TMEM230: variants seen among roughly 807,000 people sequenced by gnomAD.
TMEM230 encodes UPF0414 transmembrane protein C20orf30.
In TMEM230, 10 loss-of-function variants were observed where a neutral mutation model predicts 15.8. That is an observed-to-expected ratio of 0.63 (90% CI 0.39 to 1.07). TMEM230 has a LOEUF of 1.07. Ranked by LOEUF, TMEM230 falls within the 50% of genes least tolerant of loss-of-function variation. The pLI, the probability that TMEM230 is intolerant of heterozygous loss-of-function variation, is 0.01. For missense variants in TMEM230, 165 were observed against 193.3 expected, an observed-to-expected ratio of 0.85 and a Z score of 0.87; for synonymous variants, 67 against 76.9, an observed-to-expected ratio of 0.87 and a Z score of 0.68.
intron 3 of TMEM230, among the ~76,000 whole-genome samples, chr20:5,079,123 CCT>C (rs1325709801): frequency 6.6e-6 from 1 of 151,954 alleles, no homozygotes; most frequent in African/African-American, 2.4e-5. Context: ...GCAGAATCAC[CCT>C]GTTTTAATTT....
intron 3 of TMEM230, among the ~76,000 whole-genome samples, chr20:5,107,214 A>C (rs1275831805): frequency 6.6e-6 from 1 of 152,138 alleles, no homozygotes; most frequent in Non-Finnish European, 1.5e-5. Context: ...AGCTGGGAGG[A>C]TGGCTTGAGC....
downstream of TMEM230, among the ~76,000 whole-genome samples, chr20:5,065,095 T>C (rs576686038): frequency 7.0e-4 from 107 of 151,822 alleles, 3 homozygotes; most frequent in South Asian, 0.022. Context: ...ATGAAAAATA[T>C]AGGAAGGCAG....
downstream of TMEM230, among the ~76,000 whole-genome samples, chr20:5,099,240 C>A (rs4053249): frequency 0.088 from 1,746 of 19,784 alleles, 26 homozygotes; most frequent in African/African-American, 0.32. Flanking sequence ...ATAAATCAAT[C>A]AATCAATAAT....
rs534995786 is a variant in TMEM230 at position 5,090,779 on chromosome 20, C to T, written c.222+15409G>A. Among the ~76,000 whole-genome samples the T allele has an allele frequency of 2.4e-4, 37 of 152,148 alleles. No individual in the cohort carries two copies. In the South Asian group the frequency reaches 2.7e-3, roughly 11 times the overall value. ...TGGACAAATGGAGGGACTGAAAGCA[C>T]GTGTCTGCGATGAAGGATGACCAAA... is the stretch of plus-strand genomic sequence containing the variant. On this transcript the variant is annotated intron_variant, in intron 3 of 3. Coordinates refer to the TMEM230 transcript ENST00000612323.
At chr20:5,079,633 A>G (rs1439178877) in intron 3 of TMEM230, among the ~76,000 whole-genome samples, 1 of 152,136 alleles carries the variant, frequency 6.6e-6, no homozygotes, top group Non-Finnish European at 1.5e-5. Flanking sequence ...ATGCCACTGC[A>G]CCCAGCTTTT....
chr20:5,109,352 C>T lies in TMEM230; in HGVS notation c.268G>A (p.Asp90Asn), dbSNP rs761361465. 9.9e-6 allele frequency: 16 copies of T among 1,612,612 alleles called. No individual in the cohort carries two copies. The highest frequency in any genetic ancestry group is 3.3e-5 in the South Asian group (3 of 90,972). Reference sequence around the variant, plus strand: ...TTTACCTGAAGGTCAATGTAGCCATCGTCTGTGCTGGAGAGCCTTGAATAT... The same window carrying T: ...TTTACCTGAAGGTCAATGTAGCCATTGTCTGTGCTGGAGAGCCTTGAATAT... Residue 90 changes from aspartate (D) to asparagine (N), a missense_variant, in exon 3 of 5, where the codon GAT becomes AAT. Coordinates refer to ENST00000342308, the MANE Select transcript of TMEM230 (RefSeq NM_001009923.2).
At chr20:5,089,676 G>C (rs2089452065) in intron 3 of TMEM230, among the ~76,000 whole-genome samples, 2 of 151,874 alleles carry the variant, frequency 1.3e-5, no homozygotes. Flanking sequence ...ACTCCAGCCT[G>C]GGCAACAGAG....
chr20:5,095,486 T>C (rs2089640209), downstream of TMEM230, among the ~76,000 whole-genome samples: 1 of 152,208 alleles, frequency 6.6e-6, no homozygotes, highest in Admixed American at 6.5e-5. Flanking sequence ...TCTTCCTGCA[T>C]TGTTTCTCTG....
chr20:5,060,561 T>G, the TMEM230 span, among the ~76,000 whole-genome samples: 4 of 152,054 alleles, frequency 2.6e-5, no homozygotes, highest in Non-Finnish European at 1.5e-5. Flanking sequence ...GGTCTCAAAC[T>G]CCTGAGCTCA....
At chr20:5,068,014 C>T (rs187847197), downstream of TMEM230, 1 of 152,248 alleles carries the variant, frequency 6.6e-6, no homozygotes, top group East Asian at 1.9e-4. Context: ...AATCTGCCCA[C>T]CTTAGCCTCC....
In TMEM230 at chr20:5,074,910, G is replaced by A. The variant is rs186786175; in HGVS notation, c.223-5561C>T. Among the ~76,000 whole-genome samples the A allele has an allele frequency of 3.8e-3, 584 of 152,162 alleles. 4 individuals are homozygous for A. The highest frequency in any genetic ancestry group is 6.7e-3 in the Admixed American group (103 of 15,268). Reference sequence around the variant, plus strand: ...ACTCCTGGCCTCAAGCGATTCTTCCGCCTTGGCCTCCCAAAGTGCTGGGAT... The same window carrying A: ...ACTCCTGGCCTCAAGCGATTCTTCCACCTTGGCCTCCCAAAGTGCTGGGAT... On this transcript the variant is annotated intron_variant, in intron 3 of 3. Coordinates refer to the TMEM230 transcript ENST00000612323.
chr20:5,094,879 C>G (rs1356409870), downstream of TMEM230, among the ~76,000 whole-genome samples: 1 of 152,116 alleles, frequency 6.6e-6, no homozygotes, highest in African/African-American at 2.4e-5. Context: ...ATCACAGCTA[C>G]AGGGACAGCT....
chr20:5,076,676 C>CTTTT lies in TMEM230; in HGVS notation c.223-7331_223-7328dup, dbSNP rs763498321. 8.6e-4 allele frequency among the ~76,000 whole-genome samples: 110 copies of CTTTT among 127,470 alleles called. 6 individuals are homozygous for CTTTT. The South Asian group carries it at 9.6e-3, about 11-fold the overall frequency. The allele number at this position is 127,470 out of a possible 152,430, so 83.6% of individuals were successfully genotyped here. A position where few individuals can be genotyped will look rare whatever the true frequency, so the allele number is the denominator to read the frequency against. ...CTGTTTATATTCTTGGATTGATATTCTTTTTTTTTTTTTTTTTTTGAGACA... is the reference window on the plus strand; with the variant it reads ...CTGTTTATATTCTTGGATTGATATTCTTTTTTTTTTTTTTTTTTTTTTTGAGACA... On this transcript the variant is annotated intron_variant, in intron 3 of 3. Coordinates refer to the TMEM230 transcript ENST00000612323.
intron 3 of TMEM230, among the ~76,000 whole-genome samples, chr20:5,080,244 C>T (rs911050681): frequency 7.2e-5 from 11 of 152,158 alleles, no homozygotes; most frequent in Admixed American, 3.9e-4. Context: ...ATGTAGACGC[C>T]GGAAAATAAA....
intron 3 of TMEM230, among the ~76,000 whole-genome samples, chr20:5,082,083 C>T (rs571277169): frequency 3.9e-4 from 59 of 150,308 alleles, no homozygotes; most frequent in Non-Finnish European, 6.5e-4. Context: ...GATGTGGTTT[C>T]GCCATGTTGG....
chr20:5,109,583 T>C, intron 2 of TMEM230, 138 bp from the exon 2 acceptor site: 1 of 666,912 alleles, frequency 1.5e-6, no homozygotes, highest in Non-Finnish European at 2.6e-6. Context: ...CAATTTACAC[T>C]TCACTGCTAA....
intron 3 of TMEM230, among the ~76,000 whole-genome samples, chr20:5,080,278 G>A (rs11907730): frequency 0.067 from 10,182 of 152,266 alleles, 910 homozygotes; most frequent in African/African-American, 0.21. Flanking sequence ...CTTGGTTTTT[G>A]TAAGTTGCAA....
intron 3 of TMEM230, among the ~76,000 whole-genome samples, chr20:5,070,945 A>G (rs937405722): frequency 2.6e-5 from 4 of 152,178 alleles, no homozygotes; most frequent in Non-Finnish European, 4.4e-5. Flanking sequence ...TCTGAAACAA[A>G]TGTGGCACAA....
Position 5,109,111 on chromosome 20 carries a change from C to T in TMEM230, c.288+221G>A, listed in dbSNP as rs531146037. On this transcript the variant is annotated intron_variant, in intron 3 of 4. Coordinates refer to ENST00000342308, the MANE Select transcript of TMEM230 (RefSeq NM_001009923.2). ...TAACTACAAGGCTCTCGCATTACAA[C>T]TAAAAATTCTTAGAAATGGACAATA... 3 of 397,510 alleles carry T rather than the reference C, an allele frequency of 7.5e-6. No individual in the cohort carries two copies. In the South Asian group the frequency reaches 1.6e-4, roughly 22 times the overall value. 24.6% of individuals were successfully genotyped at this position (397,510 alleles called of 1,614,324 possible). A position where few individuals can be genotyped will look rare whatever the true frequency, so the allele number is the denominator to read the frequency against.
Sources: gnomAD v4.1 joint callset for allele counts (sites outside exome capture counted in the v4.1 genomes callset) on GRCh38, gnomAD v4.1.1 for gene constraint, MANE v1.5 for transcripts, NCBI Gene and HGNC (gene_info 2026-07-23, HGNC 2026-07-21) for gene names.